The following NARS2 variants were observed in gnomAD, a reference collection of about 807,000 sequenced individuals.
NARS2 encodes the protein asparaginyl-tRNA synthetase.
In NARS2, 60 loss-of-function variants were observed where a neutral mutation model predicts 62.9. The ratio of observed to expected loss-of-function variants is 0.95; its 90% CI spans 0.77 to 1.18. NARS2 has a LOEUF of 1.18. NARS2 is among the 50% of genes most tolerant of loss of function. The pLI, the probability that NARS2 is intolerant of heterozygous loss-of-function variation, is 0.00. For synonymous variants in NARS2, 196 were observed against 200.0 expected (o/e 0.98, Z 0.17); for missense variants, 619 against 576.4 (o/e 1.07, Z -0.76).
Position 78,540,688 on chromosome 11 carries a change from T to C in NARS2, c.595-11752A>G, listed in dbSNP as rs187276773. Among the ~76,000 whole-genome samples the C allele has an allele frequency of 4.1e-3, 625 of 152,286 alleles. 2 individuals are homozygous for C. The highest frequency in any genetic ancestry group is 5.8e-3 in the Non-Finnish European group (393 of 68,026). ...AAGGTTTAAAATCATAATGGCATGC[T>C]ATTGTCCTGTTTACCTCAATCTGCA... On this transcript the variant is annotated intron_variant, in intron 5 of 13. Transcript: ENST00000281038.
chr11:78,495,248 C>A (rs1860009604), intron 6 of NARS2, among the ~76,000 whole-genome samples: 1 of 152,076 alleles, frequency 6.6e-6, no homozygotes, highest in African/African-American at 2.4e-5. Flanking sequence ...CTCTGAAGAC[C>A]TTCTCCTTTC....
In NARS2 at chr11:78,574,461, A is replaced by ACCGCAGCAGGCAGCGGAC. The variant is rs1258048326; in HGVS notation, c.10_27dup (p.Val4_Arg9dup). 3 of 1,613,500 alleles carry ACCGCAGCAGGCAGCGGAC rather than the reference A, an allele frequency of 1.9e-6. No individual in the cohort carries two copies. Among genetic ancestry groups the ACCGCAGCAGGCAGCGGAC allele is most frequent in the East Asian group, 2.2e-5 (1 of 44,826 alleles). On this transcript the variant is annotated inframe_insertion, in exon 1 of 14. Transcript: ENST00000281038. Reference sequence around the variant, plus strand: ...GGGGCGGAGGAACAGAAGCGCACGGACCGCAGCAGGCAGCGGACCCCCAGC... The same window carrying ACCGCAGCAGGCAGCGGAC: ...GGGGCGGAGGAACAGAAGCGCACGGACCGCAGCAGGCAGCGGACCCGCAGCAGGCAGCGGACCCCCAGC...
chr11:78,555,506 G>A (rs1024568583), intron 5 of NARS2: 2 of 152,072 alleles, frequency 1.3e-5, no homozygotes, highest in African/African-American at 2.4e-5. Context: ...AGTTTCTGAT[G>A]GTTGTTTACT....
At chr11:78,453,684 A>T (rs1237182970) in intron 11 of NARS2, among the ~76,000 whole-genome samples, 3 of 152,214 alleles carry the variant, frequency 2.0e-5, no homozygotes, top group Non-Finnish European at 4.4e-5. Flanking sequence ...TATCAGAAGA[A>T]AAAGAATGTT....
At chr11:78,518,964 G>A (rs542622627) in intron 6 of NARS2, among the ~76,000 whole-genome samples, 2 of 152,252 alleles carry the variant, frequency 1.3e-5, no homozygotes, top group Non-Finnish European at 2.9e-5. Context: ...TATGGAAAAC[G>A]CAATCTAATG....
intron 5 of NARS2, among the ~76,000 whole-genome samples, chr11:78,559,301 CAA>C (rs10627726): frequency 1.7e-5 from 1 of 58,450 alleles, no homozygotes; most frequent in African/African-American, 8.1e-5. Context: ...GACTCCATCT[CAA>C]AAAAAAAAAA....
At chr11:78,502,037 A>G (rs1268069237) in intron 6 of NARS2, among the ~76,000 whole-genome samples, 1 of 152,252 alleles carries the variant, frequency 6.6e-6, no homozygotes, top group Non-Finnish European at 1.5e-5. Flanking sequence ...ACATGGATGG[A>G]AACACTAGGC....
At chr11:78,561,224 T>C (rs1282663205) in intron 4 of NARS2, among the ~76,000 whole-genome samples, 1 of 152,226 alleles carries the variant, frequency 6.6e-6, no homozygotes, top group Non-Finnish European at 1.5e-5. Flanking sequence ...TTCCTAACGT[T>C]ACCAAATGCT....
intron 6 of NARS2, among the ~76,000 whole-genome samples, chr11:78,516,734 GAAGAT>G (rs1467418280): frequency 6.6e-6 from 1 of 152,174 alleles, no homozygotes; most frequent in African/African-American, 2.4e-5. Flanking sequence ...AGGCTAATGG[GAAGAT>G]AAGATAATAA....
intron 13 of NARS2, among the ~76,000 whole-genome samples, chr11:78,438,394 A>AAG (rs1857476475): frequency 1.3e-5 from 2 of 152,298 alleles, no homozygotes; most frequent in African/African-American, 4.8e-5. Flanking sequence ...GGCAGCGGGA[A>AAG]AGAGTACACT....
At chr11:78,440,047 G>A (rs1357186561) in intron 13 of NARS2, among the ~76,000 whole-genome samples, 1 of 152,122 alleles carries the variant, frequency 6.6e-6, no homozygotes, top group Non-Finnish European at 1.5e-5. Context: ...ATGCTTAAGA[G>A]CAAAGGATTT....
intron 6 of NARS2, among the ~76,000 whole-genome samples, chr11:78,520,133 A>G (rs1861061108): frequency 6.6e-6 from 1 of 152,236 alleles, no homozygotes; most frequent in African/African-American, 2.4e-5. Flanking sequence ...GGCTGCCATG[A>G]GAAATTGCTA....
At chr11:78,526,963 C>T (rs746462678) in intron 6 of NARS2, among the ~76,000 whole-genome samples, 5 of 152,078 alleles carry the variant, frequency 3.3e-5, no homozygotes, top group Non-Finnish European at 4.4e-5. Context: ...AAGGCCCATT[C>T]GACGATTACT....
chr11:78,553,824 C>A (rs114696691), intron 5 of NARS2, among the ~76,000 whole-genome samples: 1,654 of 152,234 alleles, frequency 0.011, 25 homozygotes, highest in African/African-American at 0.037. Context: ...AAATCTCTGC[C>A]AGGATGGTAT....
chr11:78,530,023 A>G (rs1861422470), intron 5 of NARS2, among the ~76,000 whole-genome samples: 1 of 152,320 alleles, frequency 6.6e-6, no homozygotes, highest in East Asian at 1.9e-4. Context: ...AAAATACTGC[A>G]TATCATGTAT....
intron 5 of NARS2, among the ~76,000 whole-genome samples, chr11:78,545,284 A>G (rs1172442886): frequency 6.6e-6 from 1 of 152,124 alleles, no homozygotes; most frequent in Non-Finnish European, 1.5e-5. Context: ...TACACCTCAT[A>G]AAGATGAACA....
intron 11 of NARS2, among the ~76,000 whole-genome samples, chr11:78,463,569 C>G (rs569815099): frequency 6.6e-6 from 1 of 151,884 alleles, no homozygotes. Flanking sequence ...GCCTATAATC[C>G]CAGCTACTTG....
intron 6 of NARS2, among the ~76,000 whole-genome samples, chr11:78,519,705 T>TG (rs1861041791): frequency 6.9e-6 from 1 of 144,610 alleles, no homozygotes; most frequent in African/African-American, 2.8e-5. Context: ...GTTGTTGAGT[T>TG]TTTTTTTTTT....
At chr11:78,476,314 C>T (rs1859093302) in intron 9 of NARS2, among the ~76,000 whole-genome samples, 1 of 152,196 alleles carries the variant, frequency 6.6e-6, no homozygotes. Context: ...CTAGGCCTTA[C>T]CCCCAGGGTT....
Sources: gnomAD v4.1 joint callset for allele counts (sites outside exome capture counted in the v4.1 genomes callset) on GRCh38, gnomAD v4.1.1 for gene constraint, MANE v1.5 for transcripts, NCBI Gene and HGNC (gene_info 2026-07-23, HGNC 2026-07-21) for gene names.